The following PCDHGC5 variants were observed in gnomAD, a reference collection of about 807,000 sequenced individuals.
PCDHGC5 encodes the protein protocadherin gamma-C5.
A neutral mutation model predicts 59.0 loss-of-function variants in PCDHGC5; 25 were observed. The ratio of observed to expected loss-of-function variants is 0.42; its 90% CI spans 0.31 to 0.59. The LOEUF (loss-of-function observed/expected upper bound fraction) is 0.59. Among genes scored for constraint, PCDHGC5 ranks in the 20% least tolerant of loss-of-function variants. The pLI, the probability that PCDHGC5 is intolerant of heterozygous loss-of-function variation, is 0.13. For synonymous variants in PCDHGC5, 434 were observed against 505.5 expected (o/e 0.86, Z 1.90); for missense variants, 1,067 against 1,206.4 (o/e 0.88, Z 1.71).
At chr5:141,501,606 G>A (rs2099810134) in intron 2 of PCDHGC5, among the ~76,000 whole-genome samples, 1 of 152,012 alleles carries the variant, frequency 6.6e-6, no homozygotes, top group African/African-American at 2.4e-5. Flanking sequence ...AGTTCCAGCT[G>A]TGTGACTCTG....
In PCDHGC5 at chr5:141,491,737, G is replaced by A; in HGVS notation, c.2460+37G>A. The A allele has an allele frequency of 6.2e-7, 1 of 1,600,586 alleles. No homozygotes were observed. Among genetic ancestry groups the A allele is most frequent in the Non-Finnish European group, 8.5e-7 (1 of 1,174,266 alleles). On this transcript the variant is annotated intron_variant, in intron 1 of 3. Coordinates refer to ENST00000252087, the MANE Select transcript of PCDHGC5 (RefSeq NM_018929.3). This position sits in a 1 kb window ranked among gnomAD's most constrained non-coding sequence, Gnocchi z 6.9. ...GGCGCCGCCCCGGGCGACCCCTGGG[G>A]GCGGCACTGGAGAAGCCGCCCGTCC...
intron 2 of PCDHGC5, among the ~76,000 whole-genome samples, chr5:141,503,596 C>T (rs1267014587): frequency 7.7e-6 from 1 of 129,694 alleles, no homozygotes; most frequent in African/African-American, 3.3e-5. Context: ...GAGACTCCAG[C>T]TCAAAAAAAA....
rs147534370 is a variant in PCDHGC5 at position 141,511,170 on chromosome 5, G to A, written c.2832G>A (p.Lys944=). ...AGAAGTCGGGCAAGAAGGAGAAGAA[G>A]TAACATGGAGGCCAGGCCAAGAGCC... ...NKKKSGKKEK[K] The change falls in exon 4 of 4, where the codon AAG becomes AAA. Residue 944 remains lysine (K), a synonymous_variant. Coordinates refer to ENST00000252087, the MANE Select transcript of PCDHGC5 (RefSeq NM_018929.3). 1.9e-6 allele frequency: 3 copies of A among 1,613,988 alleles called. No homozygotes were observed. The highest frequency in any genetic ancestry group is 2.5e-6 in the Non-Finnish European group (3 of 1,179,990).
chr5:141,503,400 A>C (rs2099819725), intron 2 of PCDHGC5, among the ~76,000 whole-genome samples: 1 of 151,750 alleles, frequency 6.6e-6, no homozygotes, highest in Non-Finnish European at 1.5e-5. Context: ...TTCGAAACCA[A>C]CCTGGCCAAT....
chr5:141,498,009 C>A (rs1160103624), intron 2 of PCDHGC5, among the ~76,000 whole-genome samples: 1 of 152,146 alleles, frequency 6.6e-6, no homozygotes, highest in Non-Finnish European at 1.5e-5. Context: ...TTACAGTGCA[C>A]TGAAGGAGAC....
At position 141,491,566 on chromosome 5, in the gene PCDHGC5, A is replaced by G; in HGVS notation, c.2326A>G (p.Thr776Ala). ...PTDSQSHCYR[T>A]CFSPASDGSD... Reference sequence around the variant, plus strand: ...AGACTCGCAGAGCCACTGCTACAGGACGTGCTTTTCACCGGCCTCGGACGG... The same window carrying G: ...AGACTCGCAGAGCCACTGCTACAGGGCGTGCTTTTCACCGGCCTCGGACGG... The change falls in exon 1 of 4, where the codon ACG becomes GCG. Residue 776 changes from threonine to alanine, a missense_variant. Physicochemically the swap from Thr to Ala is moderately conservative, Grantham distance 58. Transcript: ENST00000252087. This position sits in a 1 kb window ranked among gnomAD's most constrained non-coding sequence, Gnocchi z 6.9. 1 of 1,613,950 alleles carries G rather than the reference A, an allele frequency of 6.2e-7. No individual in the cohort carries two copies.
At chr5:141,494,064 G>T (rs1233070772) in intron 1 of PCDHGC5, among the ~76,000 whole-genome samples, 2 of 152,160 alleles carry the variant, frequency 1.3e-5, no homozygotes, top group South Asian at 2.1e-4. Flanking sequence ...TGTGGGAGCT[G>T]GATCCCTCCC....
chr5:141,508,829 C>G (rs370074494), intron 3 of PCDHGC5, among the ~76,000 whole-genome samples: 10 of 152,240 alleles, frequency 6.6e-5, no homozygotes, highest in Middle Eastern at 3.4e-3. Context: ...TCTGGGCCCC[C>G]CTCCCCTACC....
At position 141,489,646 on chromosome 5, in the gene PCDHGC5, C is replaced by A. The variant is rs1274955075; in HGVS notation, c.406C>A (p.Pro136Thr). 1.2e-6 allele frequency: 2 copies of A among 1,614,186 alleles called. No homozygotes were observed. The highest frequency in any genetic ancestry group is 2.7e-5 in the African/African-American group (2 of 75,048). Residue 136 changes from proline to threonine, a missense_variant, in exon 1 of 4, where the codon CCT (proline) becomes ACT (threonine). Pro to Thr is a conservative substitution (Grantham distance 38, BLOSUM62 -1). Coordinates refer to ENST00000252087, the MANE Select transcript of PCDHGC5 (RefSeq NM_018929.3). This position sits in a 1 kb window ranked among gnomAD's most constrained non-coding sequence, Gnocchi z 4.5. ...LNDNSPSFAT[P>T]EREMRISESA... Reference sequence around the variant, plus strand: ...TGACAACTCTCCTAGCTTTGCCACCCCTGAGCGAGAGATGCGCATCTCAGA... The same window carrying A: ...TGACAACTCTCCTAGCTTTGCCACCACTGAGCGAGAGATGCGCATCTCAGA...
chr5:141,511,267 C>G lies in PCDHGC5; in HGVS notation c.*94C>G. The G allele has an allele frequency of 6.5e-7, 1 of 1,549,404 alleles. No homozygotes were observed. The highest frequency in any genetic ancestry group is 8.7e-7 in the Non-Finnish European group (1 of 1,146,836). On this transcript the variant is annotated 3_prime_UTR_variant, in exon 4 of 4. Coordinates refer to ENST00000252087, the MANE Select transcript of PCDHGC5 (RefSeq NM_018929.3). Reference sequence around the variant, plus strand: ...CCAGGCCTCAGAGTTTCAGGGCTAACCCCCAGAATACTGGTAGGGGCCAAG... The same window carrying G: ...CCAGGCCTCAGAGTTTCAGGGCTAAGCCCCAGAATACTGGTAGGGGCCAAG...
intron 2 of PCDHGC5, 76 bp from the exon 3 acceptor site, chr5:141,505,317 G>T: frequency 6.2e-7 from 1 of 1,603,092 alleles, no homozygotes. Flanking sequence ...AGGTTTGGGA[G>T]CCCTGGGAGA....
rs151119016 is a variant in PCDHGC5, at chr5:141,489,949, G to C, written c.709G>C (p.Asp237His). Residue 237 changes from aspartate to histidine, a missense_variant, in exon 1 of 4, where the codon GAT becomes CAT. Physicochemically the swap from Asp to His is moderately conservative, Grantham distance 81. Transcript: ENST00000252087. The surrounding 1 kb of genome is among the most constrained non-coding windows in gnomAD (Gnocchi z 4.5). ...LISVIVLDIN[D>H]NAPTFQSSVL... is the part of the protein sequence containing the mutation. ...CTCTGTCATCGTGCTGGACATCAAT[G>C]ATAATGCTCCAACCTTCCAATCCTC... is the stretch of plus-strand genomic sequence containing the variant. 1 of 1,614,198 alleles carries C rather than the reference G, an allele frequency of 6.2e-7. No individual in the cohort carries two copies. Among genetic ancestry groups the C allele is most frequent in the Non-Finnish European group, 8.5e-7 (1 of 1,180,028 alleles).
intron 2 of PCDHGC5, among the ~76,000 whole-genome samples, chr5:141,504,750 A>C (rs921495017): frequency 6.6e-6 from 1 of 151,894 alleles, no homozygotes; most frequent in Admixed American, 6.5e-5. Context: ...ATTGAATTTT[A>C]GAAATTTCTT....
rs1369501221 is a variant in PCDHGC5 at position 141,493,257 on chromosome 5, A to G, written c.2461-1550A>G. On this transcript the variant is annotated intron_variant, in intron 1 of 3. Coordinates refer to ENST00000252087, the MANE Select transcript of PCDHGC5 (RefSeq NM_018929.3). The surrounding 1 kb of genome is among the most constrained non-coding windows in gnomAD (Gnocchi z 4.3). ...GGCTAGGTACTAACATGCCTCTCTT[A>G]TAACAGCTTCACAGAGGTCAAGTGA... Among the ~76,000 whole-genome samples the G allele has an allele frequency of 6.6e-6, 1 of 152,190 alleles. No individual in the cohort carries two copies. Among genetic ancestry groups the G allele is most frequent in the South Asian group, 2.1e-4 (1 of 4,830 alleles).
rs775989253 is a variant in PCDHGC5 at position 141,491,769 on chromosome 5, G to A, written c.2460+69G>A. On this transcript the variant is annotated intron_variant, in intron 1 of 3. Transcript: ENST00000252087. The surrounding 1 kb of genome is among the most constrained non-coding windows in gnomAD (Gnocchi z 6.9). ...CTGGAGAAGCCGCCCGTCCTCATAA[G>A]GGATTGAACTTGCATCCACTCCTCT... 6.4e-7 allele frequency: 1 copy of A among 1,562,376 alleles called. No homozygotes were observed. Among genetic ancestry groups the A allele is most frequent in the African/African-American group, 1.4e-5 (1 of 73,058 alleles).
At position 141,493,061 on chromosome 5, in the gene PCDHGC5, C is replaced by G. The variant is rs1386090478; in HGVS notation, c.2460+1361C>G. On this transcript the variant is annotated intron_variant, in intron 1 of 3. Transcript: ENST00000252087. The surrounding 1 kb of genome is among the most constrained non-coding windows in gnomAD (Gnocchi z 4.3). The stretch of plus-strand genomic sequence containing the variant: ...GAGGAAACTACAATAGTAAAAAACA[C>G]AAGTTTCTCCAACTCCAGGAGCTTT... Among the ~76,000 whole-genome samples the G allele has an allele frequency of 6.6e-6, 1 of 152,228 alleles. No individual in the cohort carries two copies. Among genetic ancestry groups the G allele is most frequent in the African/African-American group, 2.4e-5 (1 of 41,446 alleles).
At position 141,493,887 on chromosome 5, in the gene PCDHGC5, G is replaced by C. The variant is rs760575047; in HGVS notation, c.2461-920G>C. On this transcript the variant is annotated intron_variant, in intron 1 of 3. Transcript: ENST00000252087. This position sits in a 1 kb window ranked among gnomAD's most constrained non-coding sequence, Gnocchi z 4.3. Reference sequence around the variant, plus strand: ...AGAACCAGTGAGGAGGTGGCTCTAGGAGTGCTCCATGAGAGTGTGTGATGG... The same window carrying C: ...AGAACCAGTGAGGAGGTGGCTCTAGCAGTGCTCCATGAGAGTGTGTGATGG... Among the ~76,000 whole-genome samples, 11 of 152,184 alleles carry C rather than the reference G, an allele frequency of 7.2e-5. No homozygotes were observed. Among genetic ancestry groups the C allele is most frequent in the Non-Finnish European group, 1.2e-4 (8 of 68,026 alleles).
chr5:141,508,935 A>T (rs180987868), intron 3 of PCDHGC5, among the ~76,000 whole-genome samples: 2 of 152,118 alleles, frequency 1.3e-5, no homozygotes, highest in Non-Finnish European at 2.9e-5. Context: ...GGAGTTAATT[A>T]GGGAAAACAG....
At chr5:141,500,667 TC>T (rs1032555959) in intron 2 of PCDHGC5, among the ~76,000 whole-genome samples, 26 of 152,194 alleles carry the variant, frequency 1.7e-4, no homozygotes, top group African/African-American at 6.0e-4. Flanking sequence ...GGCCATACTG[TC>T]CAACAGAATT....
Sources: gnomAD v4.1 joint callset for allele counts (sites outside exome capture counted in the v4.1 genomes callset) on GRCh38, gnomAD v4.1.1 for gene constraint, Gnocchi (gnomAD v3.1) non-coding constraint, MANE v1.5 for transcripts, NCBI Gene and HGNC (gene_info 2026-07-23, HGNC 2026-07-21) for gene names.